EYS: variants seen among roughly 807,000 people sequenced by gnomAD.
EYS encodes EGF-like photoreceptor maintenance factor.
Under a neutral mutation model 282.1 loss-of-function variants are expected in EYS, and 250 were observed. That is an observed-to-expected ratio of 0.89 (90% CI 0.80 to 0.98). The LOEUF (loss-of-function observed/expected upper bound fraction) is 0.98. EYS is among the 50% of genes least tolerant of loss of function. The pLI, the probability that EYS is intolerant of heterozygous loss-of-function variation, is 0.00. For missense variants in EYS, 4,016 were observed against 3,709.0 expected (o/e 1.08, Z -2.15); for synonymous variants, 1,355 against 1,282.9 (o/e 1.06, Z -1.20).
chr6:64,786,951 T>C (rs756161147), intron 22 of EYS, among the ~76,000 whole-genome samples: 25 of 152,218 alleles, frequency 1.6e-4, no homozygotes, highest in Non-Finnish European at 3.7e-4. Flanking sequence ...ACTCTTGGCT[T>C]TCAATTACTT....
At chr6:64,172,298 C>T (rs1443916371) in intron 31 of EYS, among the ~76,000 whole-genome samples, 1 of 151,932 alleles carries the variant, frequency 6.6e-6, no homozygotes, top group African/African-American at 2.4e-5. Flanking sequence ...CATAATTATA[C>T]TCAGAATGTT....
intron 12 of EYS, among the ~76,000 whole-genome samples, chr6:65,135,793 A>G (rs1305006083): frequency 6.6e-6 from 1 of 151,954 alleles, no homozygotes; most frequent in African/African-American, 2.4e-5. Flanking sequence ...ATTTGATTTG[A>G]TTATACATAG....
At chr6:65,563,660 A>G (rs1037702632) in intron 2 of EYS, among the ~76,000 whole-genome samples, 20 of 152,122 alleles carry the variant, frequency 1.3e-4, no homozygotes, top group Admixed American at 9.8e-4. Context: ...TAGTTAACTA[A>G]TGCATGGCAC....
chr6:63,734,308 A>G (rs1768855359), intron 41 of EYS, among the ~76,000 whole-genome samples: 1 of 152,116 alleles, frequency 6.6e-6, no homozygotes, highest in South Asian at 2.1e-4. Flanking sequence ...GAAACATGAC[A>G]GACCAGTAGA....
intron 22 of EYS, among the ~76,000 whole-genome samples, chr6:64,648,599 T>G (rs1768439658): frequency 6.6e-6 from 1 of 152,150 alleles, no homozygotes; most frequent in Non-Finnish European, 1.5e-5. Context: ...GAGTGCATAA[T>G]CTGAGTCAAA....
intron 34 of EYS, among the ~76,000 whole-genome samples, chr6:63,995,491 G>A (rs1360042594): frequency 1.3e-5 from 2 of 151,910 alleles, no homozygotes; most frequent in Non-Finnish European, 2.9e-5. Flanking sequence ...AAACAGTATG[G>A]GGGTTTCTCA....
intron 12 of EYS, among the ~76,000 whole-genome samples, chr6:65,213,265 T>C (rs1766220024): frequency 6.6e-6 from 1 of 152,236 alleles, no homozygotes; most frequent in Non-Finnish European, 1.5e-5. Context: ...GCGGCAACTC[T>C]GCTGGAGGCT....
At chr6:64,973,493 G>A (rs1276982013) in intron 14 of EYS, among the ~76,000 whole-genome samples, 3 of 152,100 alleles carry the variant, frequency 2.0e-5, no homozygotes, top group Middle Eastern at 3.4e-3. Flanking sequence ...ACACTTTGTG[G>A]TGAAAATAGT....
At chr6:63,951,091 C>T (rs947738534) in intron 35 of EYS, among the ~76,000 whole-genome samples, 7 of 152,030 alleles carry the variant, frequency 4.6e-5, no homozygotes, top group South Asian at 4.2e-4. Context: ...CCCTTCTCTC[C>T]GTGTCTCTAC....
intron 26 of EYS, among the ~76,000 whole-genome samples, chr6:64,525,788 T>A (rs1275144516): frequency 6.6e-6 from 1 of 151,832 alleles, no homozygotes; most frequent in African/African-American, 2.4e-5. Context: ...ACAGGTACAG[T>A]CACTCTGTAA....
chr6:64,520,188 GGGT>G (rs1582847078), intron 26 of EYS, among the ~76,000 whole-genome samples: 2 of 151,696 alleles, frequency 1.3e-5, no homozygotes, highest in African/African-American at 4.8e-5. Flanking sequence ...CAGCTGGCTA[GGGT>G]GTTCTCAACC....
chr6:65,122,712 T>C (rs1332869442), intron 12 of EYS, among the ~76,000 whole-genome samples: 1 of 152,080 alleles, frequency 6.6e-6, no homozygotes, highest in African/African-American at 2.4e-5. Context: ...AGAAAAAATA[T>C]AATTTTTGAG....
At chr6:64,149,395 A>G (rs904221612) in intron 31 of EYS, among the ~76,000 whole-genome samples, 1 of 152,176 alleles carries the variant, frequency 6.6e-6, no homozygotes, top group African/African-American at 2.4e-5. Context: ...GGCTCACTCC[A>G]AGTGTCTAAT....
intron 12 of EYS, among the ~76,000 whole-genome samples, chr6:65,259,298 A>C (rs1303249360): frequency 1.3e-5 from 2 of 152,064 alleles, no homozygotes; most frequent in African/African-American, 4.8e-5. Context: ...CAATAAACTG[A>C]AACAGCTGGA....
chr6:64,440,210 G>A (rs1774893294), intron 26 of EYS, among the ~76,000 whole-genome samples: 1 of 151,818 alleles, frequency 6.6e-6, no homozygotes, highest in African/African-American at 2.4e-5. Context: ...GTTTTAGTTT[G>A]CTGTCTATCA....
chr6:63,807,274 G>A (rs548927910), intron 36 of EYS, among the ~76,000 whole-genome samples: 1 of 152,234 alleles, frequency 6.6e-6, no homozygotes, highest in Non-Finnish European at 1.5e-5. Flanking sequence ...ATTTTTATTG[G>A]TTGGGGACAG....
intron 24 of EYS, among the ~76,000 whole-genome samples, chr6:64,595,626 T>C (rs62415831): frequency 0.1 from 15,363 of 152,224 alleles, 927 homozygotes; most frequent in East Asian, 0.17. Flanking sequence ...AAATTTAGCA[T>C]TGTTTCCATA....
At chr6:65,614,086 C>T (rs1766098998) in intron 2 of EYS, among the ~76,000 whole-genome samples, 1 of 151,932 alleles carries the variant, frequency 6.6e-6, no homozygotes, top group South Asian at 2.1e-4. Context: ...TACGACGTGT[C>T]TTTAAATTTC....
chr6:64,121,505 G>A (rs758369103), intron 31 of EYS, among the ~76,000 whole-genome samples: 28 of 152,168 alleles, frequency 1.8e-4, no homozygotes, highest in Non-Finnish European at 3.1e-4. Context: ...ACTCATAACC[G>A]TTATGTTTAA....
Sources: gnomAD v4.1 joint callset for allele counts (sites outside exome capture counted in the v4.1 genomes callset) on GRCh38, gnomAD v4.1.1 for gene constraint, MANE v1.5 for transcripts, NCBI Gene and HGNC (gene_info 2026-07-23, HGNC 2026-07-21) for gene names.